PLCB1: variants seen among roughly 807,000 people sequenced by gnomAD.
PLCB1 encodes phospholipase C beta 1, also known as 1-phosphatidylinositol 4,5-bisphosphate phosphodiesterase beta-1.
Under a neutral mutation model 161.8 loss-of-function variants are expected in PLCB1, and 46 were observed. That is an observed-to-expected ratio of 0.28 (90% confidence interval 0.22 to 0.36). The LOEUF is 0.36. Ranked by LOEUF, PLCB1 falls within the 10% of genes least tolerant of loss-of-function variation. The probability of loss-of-function intolerance (pLI) is 1.00; values close to 1 mark genes in which losing one functional copy is unlikely to be tolerated. For synonymous variants in PLCB1, 517 were observed against 503.7 expected, an observed-to-expected ratio of 1.03 and a Z score of -0.35; for missense variants, 1,016 against 1,472.5, an observed-to-expected ratio of 0.69 and a Z score of 5.07.
Position 8,722,339 on chromosome 20 carries a change from A to G in PLCB1, c.1514-15A>G. On this transcript the variant is annotated splice_polypyrimidine_tract_variant and intron_variant, in intron 14 of 31. Transcript: ENST00000338037. ...TGAAATGGTGACATGATGATCTGTT[A>G]TTAAAATTTGACAGGAGAAGCTGAT... The G allele has an allele frequency of 6.2e-7, 1 of 1,601,542 alleles. No homozygotes were observed. The highest frequency in any genetic ancestry group is 8.5e-7 in the Non-Finnish European group (1 of 1,170,784).
chr20:8,256,211 A>T (rs904916081), intron 2 of PLCB1, among the ~76,000 whole-genome samples: 1 of 152,150 alleles, frequency 6.6e-6, no homozygotes, highest in East Asian at 1.9e-4. Flanking sequence ...CTATATAACA[A>T]CCATCCCAAA....
intron 3 of PLCB1, among the ~76,000 whole-genome samples, chr20:8,464,872 T>G (rs986291375): frequency 6.6e-6 from 1 of 152,132 alleles, no homozygotes; most frequent in Non-Finnish European, 1.5e-5. Context: ...CCCTCAGCCC[T>G]CAGCTGGGGT....
chr20:8,370,605 G>C (rs1986873526), intron 2 of PLCB1, among the ~76,000 whole-genome samples: 1 of 152,030 alleles, frequency 6.6e-6, no homozygotes, highest in Admixed American at 6.5e-5. Flanking sequence ...CAACTGGGAG[G>C]AACCCCTCCC....
intron 3 of PLCB1, among the ~76,000 whole-genome samples, chr20:8,621,707 T>C (rs1310283921): frequency 1.3e-5 from 2 of 152,220 alleles, no homozygotes; most frequent in Non-Finnish European, 2.9e-5. Flanking sequence ...CTATTTTATA[T>C]AAACTGCATC....
chr20:8,175,081 A>G (rs2051768746), intron 2 of PLCB1, among the ~76,000 whole-genome samples: 1 of 152,054 alleles, frequency 6.6e-6, no homozygotes, highest in Non-Finnish European at 1.5e-5. Flanking sequence ...AAAAATATTA[A>G]AAGTAATAAT....
chr20:8,779,930 G>A lies in PLCB1; in HGVS notation c.3111+5211G>A, dbSNP rs538157161. ...ACATCCACAGTAGAAGGTACTGGTT[G>A]CTTTAGTCGGAAGTGAGTGAAAATA... is the stretch of plus-strand genomic sequence containing the variant. On this transcript the variant is annotated intron_variant, in intron 27 of 31. Coordinates refer to ENST00000338037, the MANE Select transcript of PLCB1 (RefSeq NM_015192.4). Among the ~76,000 whole-genome samples, 27 of 152,258 alleles carry A rather than the reference G, an allele frequency of 1.8e-4. 1 individual carries two copies. The highest frequency in any genetic ancestry group is 6.0e-4 in the African/African-American group (25 of 41,550).
chr20:8,525,727 T>G (rs1365089315), intron 3 of PLCB1, among the ~76,000 whole-genome samples: 2 of 151,808 alleles, frequency 1.3e-5, no homozygotes, highest in African/African-American at 4.8e-5. Context: ...TAAAAATACC[T>G]GAATGAAATG....
intron 12 of PLCB1, among the ~76,000 whole-genome samples, chr20:8,711,180 G>A (rs1978993433): frequency 6.6e-6 from 1 of 152,168 alleles, no homozygotes; most frequent in African/African-American, 2.4e-5. Context: ...AGTTAGTGTG[G>A]CTTCAAAATG....
intron 2 of PLCB1, among the ~76,000 whole-genome samples, chr20:8,191,124 T>G (rs775816887): frequency 2.0e-5 from 3 of 152,016 alleles, no homozygotes; most frequent in Non-Finnish European, 2.9e-5. Context: ...TGACATAATT[T>G]CTTATTTTTT....
intron 31 of PLCB1, among the ~76,000 whole-genome samples, chr20:8,849,591 G>A (rs777218606): frequency 5.3e-5 from 8 of 152,032 alleles, no homozygotes; most frequent in Non-Finnish European, 1.0e-4. Flanking sequence ...CTGGAGAATC[G>A]CTTGAATCTA....
chr20:8,695,696 C>T (rs957144298), intron 10 of PLCB1, among the ~76,000 whole-genome samples: 1 of 152,058 alleles, frequency 6.6e-6, no homozygotes, highest in African/African-American at 2.4e-5. Flanking sequence ...AGTGAGATCC[C>T]ATTTCAAAGA....
At chr20:8,542,976 A>G (rs972795690) in intron 3 of PLCB1, among the ~76,000 whole-genome samples, 3 of 152,214 alleles carry the variant, frequency 2.0e-5, no homozygotes, top group Non-Finnish European at 4.4e-5. Flanking sequence ...AGGCCATATC[A>G]AGGCATGGAG....
chr20:8,317,483 C>G (rs943800803), intron 2 of PLCB1, among the ~76,000 whole-genome samples: 1 of 152,104 alleles, frequency 6.6e-6, no homozygotes, highest in African/African-American at 2.4e-5. Flanking sequence ...CAAGCTAGTA[C>G]TCAGCAAGAT....
chr20:8,717,628 A>AG, intron 13 of PLCB1, 43 bp from the exon 14 acceptor site: 2 of 1,492,438 alleles, frequency 1.3e-6, no homozygotes, highest in Non-Finnish European at 1.8e-6. Flanking sequence ...GATCTGAAAG[A>AG]GGGAGCAGTA....
At chr20:8,292,738 C>T (rs1983442520) in intron 2 of PLCB1, among the ~76,000 whole-genome samples, 1 of 152,198 alleles carries the variant, frequency 6.6e-6, no homozygotes, top group South Asian at 2.1e-4. Flanking sequence ...CCATTACTTA[C>T]AAGCTTGTGA....
chr20:8,589,157 C>G (rs755579005), intron 3 of PLCB1, among the ~76,000 whole-genome samples: 2 of 152,178 alleles, frequency 1.3e-5, no homozygotes, highest in Non-Finnish European at 2.9e-5. Flanking sequence ...GCACTTCTCT[C>G]ATTTTATCAG....
chr20:8,361,977 T>C (rs890732934), intron 2 of PLCB1, among the ~76,000 whole-genome samples: 1 of 152,234 alleles, frequency 6.6e-6, no homozygotes, highest in East Asian at 1.9e-4. Context: ...TTCTAGTTAA[T>C]CTGATTAGTC....
At chr20:8,218,690 GCATGAATTAGT>G (rs1238783287) in intron 2 of PLCB1, among the ~76,000 whole-genome samples, 7 of 151,628 alleles carry the variant, frequency 4.6e-5, no homozygotes, top group Non-Finnish European at 8.8e-5. Flanking sequence ...GCAACAGAGA[GCATGAATTAGT>G]CGGTCTCAAG....
chr20:8,643,282 T>C (rs1989012860), intron 4 of PLCB1, among the ~76,000 whole-genome samples: 2 of 152,192 alleles, frequency 1.3e-5, no homozygotes, highest in Non-Finnish European at 2.9e-5. Context: ...GGCATCACAT[T>C]TTTTACTAAT....
Sources: allele counts gnomAD v4.1 joint callset (sites outside exome capture counted in the v4.1 genomes callset), GRCh38; gene constraint gnomAD v4.1.1; transcripts MANE v1.5; gene names NCBI Gene and HGNC (gene_info 2026-07-23, HGNC 2026-07-21).